Variants in ZFYVE28 observed in about 807,000 individuals in gnomAD.
ZFYVE28 encodes the protein zinc finger FYVE-type containing 28, also known as lateral signaling target protein 2 homolog.
In ZFYVE28, 40 loss-of-function variants were observed where a neutral mutation model predicts 82.1. That is an observed-to-expected ratio of 0.49 (90% CI 0.38 to 0.63). The LOEUF is 0.63. Among genes scored for constraint, ZFYVE28 ranks in the 30% least tolerant of loss-of-function variants. The pLI is 0.00. For missense variants in ZFYVE28, 1,321 were observed against 1,242.1 expected, an observed-to-expected ratio of 1.06 and a Z score of -0.96; for synonymous variants, 612 against 546.1, an observed-to-expected ratio of 1.12 and a Z score of -1.68.
intron 8 of ZFYVE28, among the ~76,000 whole-genome samples, chr4:2,294,828 C>T (rs1714290747): frequency 6.6e-6 from 1 of 152,158 alleles, no homozygotes; most frequent in Non-Finnish European, 1.5e-5. Context: ...TGAAGCGACG[C>T]TTGAGTCGAT....
In ZFYVE28 at chr4:2,300,497, G is replaced by A. The variant is rs561125249; in HGVS notation, c.2051+3792C>T. 1.1e-4 allele frequency among the ~76,000 whole-genome samples: 17 copies of A among 152,260 alleles called. No individual in the cohort carries two copies. Among genetic ancestry groups the A allele is most frequent in the South Asian group, 8.3e-4 (4 of 4,806 alleles). On this transcript the variant is annotated intron_variant, in intron 8 of 12. Transcript: ENST00000290974. This position sits in a 1 kb window ranked among gnomAD's most constrained non-coding sequence, Gnocchi z 4.6. The stretch of plus-strand genomic sequence containing the variant: ...CTGCTGTCTGTCGAGGACGATGTCC[G>A]GACTCCCAGGTGACAGCACCTGAGG...
In ZFYVE28 at chr4:2,332,011, T is replaced by C. The variant is rs1326691650; in HGVS notation, c.701+3694A>G. Among the ~76,000 whole-genome samples the C allele has an allele frequency of 6.6e-6, 1 of 152,196 alleles. No individual in the cohort carries two copies. Among genetic ancestry groups the C allele is most frequent in the Non-Finnish European group, 1.5e-5 (1 of 68,016 alleles). On this transcript the variant is annotated intron_variant, in intron 6 of 12. Coordinates refer to ENST00000290974, the MANE Select transcript of ZFYVE28 (RefSeq NM_020972.3). This position sits in a 1 kb window ranked among gnomAD's most constrained non-coding sequence, Gnocchi z 4.7. ...TGACCCCCAGCGGTGCCTTCGCCAC[T>C]GGGAGCCCCTCAGAAGGGGACGGGA...
chr4:2,293,981 A>G (rs1328188408), intron 8 of ZFYVE28, among the ~76,000 whole-genome samples: 1 of 152,044 alleles, frequency 6.6e-6, no homozygotes, highest in East Asian at 1.9e-4. Flanking sequence ...AAAGAGATAT[A>G]CTATGTTTAT....
chr4:2,399,437 C>A (rs1324065148), intron 1 of ZFYVE28, among the ~76,000 whole-genome samples: 1 of 149,688 alleles, frequency 6.7e-6, no homozygotes, highest in East Asian at 1.9e-4. Flanking sequence ...CCCTACCACG[C>A]CCCTGACCGT....
chr4:2,393,773 T>C lies in ZFYVE28; in HGVS notation c.39+24512A>G, dbSNP rs186091591. On this transcript the variant is annotated intron_variant, in intron 1 of 12. Coordinates refer to ENST00000290974, the MANE Select transcript of ZFYVE28 (RefSeq NM_020972.3). ...CAGTTCACTCGGCCACACCTGCGGA[T>C]TGGGGGACGGACTTCCGGGCTTTAC... is the stretch of plus-strand genomic sequence containing the variant. Among the ~76,000 whole-genome samples, 132 of 152,250 alleles carry C rather than the reference T, an allele frequency of 8.7e-4. 2 individuals carry two copies. The highest frequency in any genetic ancestry group is 7.1e-3 in the South Asian group (34 of 4,820).
At chr4:2,276,744 G>A (rs1362630301) in intron 8 of ZFYVE28, among the ~76,000 whole-genome samples, 1 of 152,042 alleles carries the variant, frequency 6.6e-6, no homozygotes, top group Non-Finnish European at 1.5e-5. Context: ...CCGACACGAG[G>A]TCCTGAGAGC....
At chr4:2,353,693 C>T (rs533030663) in intron 2 of ZFYVE28, among the ~76,000 whole-genome samples, 5 of 152,302 alleles carry the variant, frequency 3.3e-5, no homozygotes, top group Middle Eastern at 3.4e-3. Flanking sequence ...CCCCTGCCCC[C>T]GCTCTCCCAG....
intron 2 of ZFYVE28, among the ~76,000 whole-genome samples, chr4:2,350,822 C>T (rs1032393564): frequency 2.0e-5 from 3 of 152,194 alleles, no homozygotes; most frequent in African/African-American, 4.8e-5. Context: ...TTTGGGCTGG[C>T]GAACACATCC....
At chr4:2,297,750 G>A (rs56131230) in intron 8 of ZFYVE28, among the ~76,000 whole-genome samples, 16,239 of 151,478 alleles carry the variant, frequency 0.11, 993 homozygotes, top group Non-Finnish European at 0.14. Context: ...AGCAGTGACA[G>A]TGGGATGACA....
chr4:2,331,677 A>C (rs1200442077), intron 6 of ZFYVE28, among the ~76,000 whole-genome samples: 1 of 152,142 alleles, frequency 6.6e-6, no homozygotes, highest in East Asian at 1.9e-4. Context: ...TGAGGGGTGC[A>C]GGGCAAGTGG....
At chr4:2,342,305 C>A (rs1722943201) in intron 2 of ZFYVE28, among the ~76,000 whole-genome samples, 1 of 152,212 alleles carries the variant, frequency 6.6e-6, no homozygotes, top group Non-Finnish European at 1.5e-5. Flanking sequence ...TGACTCCATC[C>A]CTCATGGCTG....
chr4:2,290,785 A>G (rs540052824), intron 8 of ZFYVE28, among the ~76,000 whole-genome samples: 2 of 152,212 alleles, frequency 1.3e-5, no homozygotes, highest in East Asian at 3.9e-4. Flanking sequence ...AAGTCCAAGC[A>G]CAAGCCGAGC....
At position 2,408,829 on chromosome 4, in the gene ZFYVE28, G is replaced by A. The variant is rs1160507167; in HGVS notation, c.39+9456C>T. Among the ~76,000 whole-genome samples, 1 of 151,568 alleles carries A rather than the reference G, an allele frequency of 6.6e-6. No homozygotes were observed. The highest frequency in any genetic ancestry group is 1.5e-5 in the Non-Finnish European group (1 of 68,032). ...ACGCCCAGGTGAGCCCCGCCCCACG[G>A]GCTGATCCACCCAATCCTGACGTGG... On this transcript the variant is annotated intron_variant, in intron 1 of 12. Coordinates refer to ENST00000290974, the MANE Select transcript of ZFYVE28 (RefSeq NM_020972.3). The surrounding 1 kb of genome is among the most constrained non-coding windows in gnomAD (Gnocchi z 4.3).
chr4:2,353,089 G>A (rs1578214772), intron 2 of ZFYVE28, among the ~76,000 whole-genome samples: 1 of 152,218 alleles, frequency 6.6e-6, no homozygotes, highest in South Asian at 2.1e-4. Context: ...GAAGGTGGAG[G>A]CTGCCACTGA....
At chr4:2,329,180 T>C in intron 6 of ZFYVE28, 1 of 691,196 alleles carries the variant, frequency 1.4e-6, no homozygotes, top group South Asian at 1.5e-5. Flanking sequence ...TCGACAGCAA[T>C]TGCACAGAAT....
intron 1 of ZFYVE28, among the ~76,000 whole-genome samples, chr4:2,356,793 C>T (rs1192823245): frequency 2.6e-5 from 4 of 152,120 alleles, no homozygotes; most frequent in South Asian, 2.1e-4. Flanking sequence ...CCCCAAGGCC[C>T]GAGCCCCAGG....
chr4:2,322,672 G>A (rs1372791665), intron 6 of ZFYVE28, among the ~76,000 whole-genome samples: 3 of 152,230 alleles, frequency 2.0e-5, no homozygotes, highest in African/African-American at 4.8e-5. Context: ...CATTCACGGT[G>A]CTGTGCACCC....
intron 11 of ZFYVE28, 70 bp from the exon 12 acceptor site, chr4:2,271,484 T>C: frequency 6.6e-7 from 1 of 1,521,816 alleles, no homozygotes; most frequent in Non-Finnish European, 9.1e-7. Context: ...ACCCTCAACC[T>C]ACCCTGGGCC....
intron 8 of ZFYVE28, among the ~76,000 whole-genome samples, chr4:2,296,801 G>A (rs749462290): frequency 6.6e-6 from 1 of 152,166 alleles, no homozygotes; most frequent in Admixed American, 6.5e-5. Context: ...CTGTCACTCC[G>A]TCCCCTTGTC....
Sources: gnomAD v4.1 joint callset for allele counts (sites outside exome capture counted in the v4.1 genomes callset) on GRCh38, gnomAD v4.1.1 for gene constraint, Gnocchi (gnomAD v3.1) non-coding constraint, MANE v1.5 for transcripts, NCBI Gene and HGNC (gene_info 2026-07-23, HGNC 2026-07-21) for gene names.